The following CYP2C19 variants were observed in gnomAD, a reference collection of about 807,000 sequenced individuals.
CYP2C19 encodes the protein cytochrome P450 family 2 subfamily C member 19.
CYP2C19 carries 59 observed loss-of-function variants against 40.9 expected under a neutral mutation model. The ratio of observed to expected loss-of-function variants is 1.44; its 90% CI spans 1.17 to 1.79. The LOEUF (loss-of-function observed/expected upper bound fraction) is 1.79, where lower values mean the gene tolerates loss of function less well. Among genes scored for constraint, CYP2C19 ranks in the 40% most tolerant of loss-of-function variants. The pLI, the probability that CYP2C19 is intolerant of heterozygous loss-of-function variation, is 0.00. For synonymous variants in CYP2C19, 253 were observed against 208.7 expected, an observed-to-expected ratio of 1.21 and a Z score of -1.83; for missense variants, 754 against 596.9, an observed-to-expected ratio of 1.26 and a Z score of -2.74.
At chr10:94,826,222 G>A (rs1159862635) in intron 6 of CYP2C19, among the ~76,000 whole-genome samples, 2 of 151,894 alleles carry the variant, frequency 1.3e-5, no homozygotes, top group Non-Finnish European at 2.9e-5. Context: ...GATGGGGATG[G>A]CATTGAATCT....
intron 6 of CYP2C19, among the ~76,000 whole-genome samples, chr10:94,827,822 C>T (rs1306314867): frequency 6.6e-6 from 1 of 152,110 alleles, no homozygotes; most frequent in Non-Finnish European, 1.5e-5. Flanking sequence ...TTTCCCTCTA[C>T]ACACTGTTTT....
At chr10:94,805,305 T>G (rs936173538) in intron 5 of CYP2C19, among the ~76,000 whole-genome samples, 6 of 152,168 alleles carry the variant, frequency 3.9e-5, no homozygotes, top group Non-Finnish European at 8.8e-5. Flanking sequence ...TCTAATGAGA[T>G]GAACATGTTT....
intron 5 of CYP2C19, among the ~76,000 whole-genome samples, chr10:94,817,962 G>A (rs1243997549): frequency 4.8e-4 from 67 of 139,886 alleles, no homozygotes; most frequent in South Asian, 6.8e-4. Context: ...GCAGTGAGCC[G>A]AGATCCCGCC....
At chr10:94,793,174 A>G (rs1564666731) in intron 5 of CYP2C19, among the ~76,000 whole-genome samples, 1 of 152,100 alleles carries the variant, frequency 6.6e-6, no homozygotes, top group South Asian at 2.1e-4. Context: ...CATGCATCAC[A>G]TAGTTCTCAT....
chr10:94,762,754 C>A lies in CYP2C19; in HGVS notation c.49C>A (p.Leu17Ile). The change falls in exon 1 of 9, where the codon CTT (leucine) becomes ATT (isoleucine). Residue 17 changes from leucine (L) to isoleucine (I), a missense_variant. Transcript: ENST00000371321. ...GCTCTGTCTCTCATGTTTGCTTCTC[C>A]TTTCAATCTGGAGACAGAGCTCTGG... ...LVLCLSCLLL[L>I]SIWRQSSGRG... The A allele has an allele frequency of 6.2e-7, 1 of 1,613,986 alleles. No homozygotes were observed. Among genetic ancestry groups the A allele is most frequent in the Non-Finnish European group, 8.5e-7 (1 of 1,179,958 alleles).
chr10:94,802,471 G>T (rs966328344), intron 5 of CYP2C19, among the ~76,000 whole-genome samples: 2 of 152,006 alleles, frequency 1.3e-5, no homozygotes, highest in Non-Finnish European at 2.9e-5. Context: ...TTGAGCCTAT[G>T]GGTGTCTCTG....
At chr10:94,828,239 A>T (rs1849264229) in intron 6 of CYP2C19, among the ~76,000 whole-genome samples, 1 of 151,188 alleles carries the variant, frequency 6.6e-6, no homozygotes, top group African/African-American at 2.4e-5. Context: ...TGTCTCGTTG[A>T]TCTGTCTAAT....
chr10:94,816,569 T>G (rs940985024), intron 5 of CYP2C19, among the ~76,000 whole-genome samples: 3 of 151,998 alleles, frequency 2.0e-5, no homozygotes, highest in African/African-American at 7.2e-5. Context: ...AAGGAAAATG[T>G]AGTCTCTTTC....
intron 6 of CYP2C19, among the ~76,000 whole-genome samples, chr10:94,824,170 T>C (rs952282959): frequency 2.0e-5 from 3 of 152,128 alleles, no homozygotes; most frequent in Admixed American, 2.0e-4. Context: ...GAACCATATT[T>C]ATGTAGTCAG....
rs1377441311 is a variant in CYP2C19 at position 94,854,511 on chromosome 10, T to C, written c.*1597T>C. Among the ~76,000 whole-genome samples the C allele has an allele frequency of 1.3e-5, 2 of 152,014 alleles. No homozygotes were observed. Among genetic ancestry groups the C allele is most frequent in the East Asian group, 3.9e-4 (2 of 5,178 alleles). Reference sequence around the variant, plus strand: ...GTTCACCACTCTTCCTGTCTTCTACTTGAAATGTAAGAAATAAGAAGTAAC... The same window carrying C: ...GTTCACCACTCTTCCTGTCTTCTACCTGAAATGTAAGAAATAAGAAGTAAC... On this transcript the variant is annotated 3_prime_UTR_variant, in exon 9 of 9. Transcript: ENST00000371321.
chr10:94,788,511 A>G (rs886597073), intron 5 of CYP2C19, among the ~76,000 whole-genome samples: 4 of 151,830 alleles, frequency 2.6e-5, no homozygotes, highest in Non-Finnish European at 5.9e-5. Context: ...CCTGTCACCT[A>G]CATGAGGTAT....
chr10:94,810,832 T>C (rs1270810815), intron 5 of CYP2C19, among the ~76,000 whole-genome samples: 1 of 152,120 alleles, frequency 6.6e-6, no homozygotes, highest in Non-Finnish European at 1.5e-5. Flanking sequence ...TTCAGAAAAT[T>C]AACTCCTGTA....
intron 1 of CYP2C19, among the ~76,000 whole-genome samples, chr10:94,771,353 C>T (rs1848328303): frequency 6.6e-6 from 1 of 152,082 alleles, no homozygotes; most frequent in South Asian, 2.1e-4. Flanking sequence ...AAAAGTCCTC[C>T]TGTGGGATGT....
intron 1 of CYP2C19, among the ~76,000 whole-genome samples, chr10:94,767,524 G>A (rs556959612): frequency 1.3e-5 from 2 of 152,254 alleles, no homozygotes; most frequent in South Asian, 4.1e-4. Context: ...AGGCATATGG[G>A]TGAAATCTAA....
chr10:94,776,132 C>A (rs1325561641), intron 3 of CYP2C19: 1 of 152,488 alleles, frequency 6.6e-6, no homozygotes, highest in Non-Finnish European at 1.5e-5. Flanking sequence ...TCTGTAAATA[C>A]AGCATTATTT....
rs181126191 is a variant in CYP2C19, at chr10:94,853,650, A to T, written c.*736A>T. ...AACCTTCGCCTCCCAGGCTCAAGAG[A>T]TTCTCCTGCCTCAGCCTCCTGAGTA... On this transcript the variant is annotated 3_prime_UTR_variant, in exon 9 of 9. Coordinates refer to ENST00000371321, the MANE Select transcript of CYP2C19 (RefSeq NM_000769.4). Among the ~76,000 whole-genome samples the T allele has an allele frequency of 9.3e-5, 14 of 150,232 alleles. No individual in the cohort carries two copies. Among genetic ancestry groups the T allele is most frequent in the African/African-American group, 3.4e-4 (14 of 40,822 alleles).
At chr10:94,821,773 A>G (rs1284240956) in intron 6 of CYP2C19, among the ~76,000 whole-genome samples, 1 of 152,084 alleles carries the variant, frequency 6.6e-6, no homozygotes, top group African/African-American at 2.4e-5. Flanking sequence ...ACTAACCTAT[A>G]ACGTTCTAGA....
intron 5 of CYP2C19, among the ~76,000 whole-genome samples, chr10:94,813,144 G>T (rs545316438): frequency 3.8e-4 from 58 of 152,130 alleles, no homozygotes; most frequent in African/African-American, 1.3e-3. Flanking sequence ...AGGTCTGCTG[G>T]AGTTTGCTTG....
At chr10:94,819,105 A>G (rs1399921930) in intron 5 of CYP2C19, among the ~76,000 whole-genome samples, 9 of 150,992 alleles carry the variant, frequency 6.0e-5, no homozygotes, top group African/African-American at 1.7e-4. Flanking sequence ...CTGCTCAACT[A>G]CATGGAAACT....
Sources: allele counts gnomAD v4.1 joint callset (sites outside exome capture counted in the v4.1 genomes callset), GRCh38; gene constraint gnomAD v4.1.1; transcripts MANE v1.5; gene names NCBI Gene and HGNC (gene_info 2026-07-23, HGNC 2026-07-21).